The following CMPK1 variants were observed in gnomAD, a reference collection of about 807,000 sequenced individuals.
CMPK1 encodes the protein cytidine/uridine monophosphate kinase 1, also known as UMP-CMP kinase.
In CMPK1, 10 loss-of-function variants were observed where a neutral mutation model predicts 25.7. The ratio of observed to expected loss-of-function variants is 0.39; its 90% CI spans 0.24 to 0.66. CMPK1 has a LOEUF of 0.66. Among genes scored for constraint, CMPK1 ranks in the 30% least tolerant of loss-of-function variants. The pLI is 0.48. For synonymous variants in CMPK1, 106 were observed against 101.5 expected, an observed-to-expected ratio of 1.04 and a Z score of -0.27; for missense variants, 199 against 280.5, an observed-to-expected ratio of 0.71 and a Z score of 2.08.
intron 1 of CMPK1, among the ~76,000 whole-genome samples, chr1:47,347,096 T>A (rs185208605): frequency 6.6e-6 from 1 of 152,036 alleles, no homozygotes. Flanking sequence ...TTTATTTTTT[T>A]ATTTTCTTTC....
In CMPK1 at chr1:47,373,020, A is replaced by G; in HGVS notation, c.384A>G (p.Arg128=). The G allele has an allele frequency of 6.2e-7, 1 of 1,613,530 alleles. No individual in the cohort carries two copies. The highest frequency in any genetic ancestry group is 8.5e-7 in the Non-Finnish European group (1 of 1,179,646). ...KNKFLIDGFP[R]NQDNLQGWNK... ...AATTCTTGATTGATGGGTTTCCAAG[A>G]AATCAAGACAACCTTCAAGGATGGA... is the stretch of plus-strand genomic sequence containing the variant. The change falls in exon 3 of 6, where the codon AGA becomes AGG. Residue 128 remains arginine (R), a synonymous_variant. Coordinates refer to ENST00000371873, the MANE Select transcript of CMPK1 (RefSeq NM_016308.3).
intron 1 of CMPK1, among the ~76,000 whole-genome samples, chr1:47,361,874 T>A (rs915022601): frequency 1.4e-5 from 2 of 145,668 alleles, no homozygotes; most frequent in African/African-American, 5.2e-5. Context: ...TACTACTCTT[T>A]TTTTTTTTTT....
chr1:47,336,253 A>G (rs1470130672), intron 1 of CMPK1, among the ~76,000 whole-genome samples: 1 of 152,228 alleles, frequency 6.6e-6, no homozygotes, highest in Non-Finnish European at 1.5e-5. Context: ...CAAAGACTTT[A>G]GAGTCAAAGA....
chr1:47,341,103 C>T (rs1404587354), intron 1 of CMPK1, among the ~76,000 whole-genome samples: 1 of 152,112 alleles, frequency 6.6e-6, no homozygotes, highest in Non-Finnish European at 1.5e-5. Flanking sequence ...TGAAAACTTT[C>T]ATTTTTTGCC....
rs577695495 is a variant in CMPK1, at chr1:47,378,701, A to C, written c.*1956A>C. The C allele has an allele frequency of 2.0e-4, 30 of 152,318 alleles. No individual in the cohort carries two copies. Among genetic ancestry groups the C allele is most frequent in the African/African-American group, 7.0e-4 (29 of 41,584 alleles). 9.4% of individuals were successfully genotyped at this position (152,318 alleles called of 1,614,324 possible). A position where few individuals can be genotyped will look rare whatever the true frequency, so the allele number is the denominator to read the frequency against. ...CATTCCATTTGTTAAAGATACAGTC[A>C]CCAAGAATGTTTTGAGTTTTTTGAA... On this transcript the variant is annotated 3_prime_UTR_variant, in exon 6 of 6. Coordinates refer to ENST00000371873, the MANE Select transcript of CMPK1 (RefSeq NM_016308.3).
At chr1:47,363,469 C>T (rs1646617311) in intron 1 of CMPK1, among the ~76,000 whole-genome samples, 1 of 151,206 alleles carries the variant, frequency 6.6e-6, no homozygotes, top group African/African-American at 2.4e-5. Flanking sequence ...ACTAAACATA[C>T]AAAAAAATTT....
At chr1:47,343,712 A>G (rs905699882) in intron 1 of CMPK1, among the ~76,000 whole-genome samples, 13 of 152,002 alleles carry the variant, frequency 8.6e-5, no homozygotes, top group African/African-American at 7.2e-5. Flanking sequence ...CAAGGAGTTC[A>G]AGACCAGCCT....
intron 1 of CMPK1, 68 bp downstream of exon 1, chr1:47,334,184 C>T: frequency 2.4e-6 from 3 of 1,236,430 alleles, no homozygotes; most frequent in Non-Finnish European, 1.0e-6. Flanking sequence ...TCCCGCCGCC[C>T]CTAGTCCGCG....
chr1:47,375,383 T>C lies in CMPK1; in HGVS notation c.645+90T>C, dbSNP rs956583804. The C allele has an allele frequency of 8.6e-5, 72 of 837,694 alleles. No homozygotes were observed. The African/African-American group carries it at 1.1e-3, about 13-fold the overall frequency. The allele number at this position is 837,694 out of a possible 1,614,324, so 51.9% of individuals were successfully genotyped here. ...GTAAGCAGGAAAAAAAGAAATACTA[T>C]CACAGATTAGTTAGTTTTTCAAGAC... On this transcript the variant is annotated intron_variant, in intron 5 of 5. Transcript: ENST00000371873.
chr1:47,334,416 G>A (rs1646380782), intron 1 of CMPK1, among the ~76,000 whole-genome samples: 1 of 152,194 alleles, frequency 6.6e-6, no homozygotes. Flanking sequence ...GAGGGATCCC[G>A]GAGGCCAACC....
intron 1 of CMPK1, among the ~76,000 whole-genome samples, chr1:47,368,096 T>C (rs1460841101): frequency 6.6e-6 from 1 of 152,070 alleles, no homozygotes; most frequent in Non-Finnish European, 1.5e-5. Flanking sequence ...ATTACAGGCA[T>C]GCACCACCAT....
intron 1 of CMPK1, among the ~76,000 whole-genome samples, chr1:47,356,904 G>A (rs1460487572): frequency 6.6e-6 from 1 of 150,704 alleles, no homozygotes; most frequent in African/African-American, 2.4e-5. Context: ...CAAGTGATCC[G>A]CATGCCTTCA....
intron 2 of CMPK1, among the ~76,000 whole-genome samples, chr1:47,370,591 A>G (rs1570380468): frequency 1.3e-5 from 2 of 148,600 alleles, no homozygotes; most frequent in Admixed American, 6.8e-5. Flanking sequence ...TGGTGAGCCA[A>G]GATCATGCTA....
intron 2 of CMPK1, 119 bp from the exon 3 acceptor site, chr1:47,372,836 C>G: frequency 1.7e-6 from 1 of 586,850 alleles, no homozygotes; most frequent in Non-Finnish European, 2.6e-6. Context: ...GCTATGTACC[C>G]TCCACCCTTT....
chr1:47,366,038 A>G (rs1646637791), intron 1 of CMPK1, among the ~76,000 whole-genome samples: 1 of 151,986 alleles, frequency 6.6e-6, no homozygotes, highest in African/African-American at 2.4e-5. Flanking sequence ...TACTGAAAAT[A>G]CAGAAATTAG....
intron 1 of CMPK1, among the ~76,000 whole-genome samples, chr1:47,366,172 C>T (rs560307349): frequency 6.6e-6 from 1 of 152,218 alleles, no homozygotes; most frequent in South Asian, 2.1e-4. Flanking sequence ...GGCGACAGAG[C>T]AAGACCCTGT....
At chr1:47,373,819 A>G (rs537261123) in intron 3 of CMPK1, among the ~76,000 whole-genome samples, 60 of 152,248 alleles carry the variant, frequency 3.9e-4, no homozygotes, top group Admixed American at 1.6e-3. Context: ...AAAAAGAAAC[A>G]TACAGGATAG....
intron 2 of CMPK1, among the ~76,000 whole-genome samples, chr1:47,370,369 T>C (rs1160946679): frequency 2.7e-5 from 4 of 150,408 alleles, no homozygotes; most frequent in African/African-American, 9.7e-5. Flanking sequence ...CTGGGCGCAG[T>C]GGCTCACGCC....
intron 1 of CMPK1, 58 bp from the exon 2 acceptor site, chr1:47,368,406 AAGTAT>A: frequency 7.3e-7 from 1 of 1,369,018 alleles, no homozygotes; most frequent in Non-Finnish European, 9.7e-7. Context: ...AAAGGAAAAA[AAGTAT>A]AGTCCTACCA....
Sources: allele counts gnomAD v4.1 joint callset (sites outside exome capture counted in the v4.1 genomes callset), GRCh38; gene constraint gnomAD v4.1.1; transcripts MANE v1.5; gene names NCBI Gene and HGNC (gene_info 2026-07-23, HGNC 2026-07-21).